Variants in ERAP1 observed in about 807,000 individuals in gnomAD.
The protein encoded by ERAP1 is adipocyte-derived leucine aminopeptidase.
ERAP1 carries 86 observed loss-of-function variants against 103.7 expected under a neutral mutation model. The observed-to-expected ratio is 0.83, with a 90% CI of 0.70 to 0.99. ERAP1 has a LOEUF of 0.99. Ranked by LOEUF, ERAP1 falls within the 50% of genes least tolerant of loss-of-function variation. The pLI is 0.00. For missense variants in ERAP1, 1,009 were observed against 1,128.4 expected (o/e 0.89, Z 1.52); for synonymous variants, 398 against 402.4 (o/e 0.99, Z 0.13).
At chr5:96,825,311 T>C in the ERAP1 span, among the ~76,000 whole-genome samples, 2 of 152,242 alleles carry the variant, frequency 1.3e-5, no homozygotes, top group Non-Finnish European at 2.9e-5. Context: ...CTTTCTGTTA[T>C]TGATTTCTAG....
At chr5:96,823,635 A>T in the ERAP1 span, among the ~76,000 whole-genome samples, 1 of 152,210 alleles carries the variant, frequency 6.6e-6, no homozygotes, top group African/African-American at 2.4e-5. Context: ...GCTGGTGAGA[A>T]ATTCCAAGAC....
chr5:96,925,672 A>G, the ERAP1 span, among the ~76,000 whole-genome samples: 2 of 152,350 alleles, frequency 1.3e-5, no homozygotes, highest in African/African-American at 4.8e-5. Context: ...CAGTCACCAC[A>G]GTTTGGACTT....
the ERAP1 span, chr5:96,903,609 C>G: frequency 6.7e-7 from 1 of 1,492,844 alleles, no homozygotes; most frequent in Non-Finnish European, 9.1e-7. Context: ...GATTCGTAAC[C>G]AGATATGCTA....
At chr5:96,845,472 T>C in the ERAP1 span, among the ~76,000 whole-genome samples, 2 of 152,188 alleles carry the variant, frequency 1.3e-5, no homozygotes, top group Non-Finnish European at 2.9e-5. Context: ...TGGCCTCAAG[T>C]GATCTGCCCA....
At chr5:96,893,555 A>G in the ERAP1 span, among the ~76,000 whole-genome samples, 4 of 152,232 alleles carry the variant, frequency 2.6e-5, no homozygotes, top group South Asian at 8.3e-4. Context: ...GGGGATTTCT[A>G]ATCTTTCTGC....
chr5:96,765,242 G>A (rs766938706), intron 19 of ERAP1: 1 of 1,600,752 alleles, frequency 6.2e-7, no homozygotes. Context: ...AGACCTCGAT[G>A]ATGCCTTGGA....
chr5:96,837,080 A>C, the ERAP1 span, among the ~76,000 whole-genome samples: 12 of 152,212 alleles, frequency 7.9e-5, no homozygotes, highest in African/African-American at 2.9e-4. Context: ...AGGAAGGAGG[A>C]ACTTCTAACT....
chr5:96,920,306 TAA>T, the ERAP1 span, among the ~76,000 whole-genome samples: 30 of 142,988 alleles, frequency 2.1e-4, no homozygotes, highest in Middle Eastern at 3.5e-3. Flanking sequence ...CCCTGTCATT[TAA>T]AAAAAAAAAA....
chr5:96,917,495 G>T, the ERAP1 span: 43 of 1,613,020 alleles, frequency 2.7e-5, no homozygotes, highest in Admixed American at 2.8e-4. Context: ...TGAGGCTCAA[G>T]GATCACATCT....
At chr5:96,814,378 T>C in the ERAP1 span, 2 of 455,636 alleles carry the variant, frequency 4.4e-6, no homozygotes, top group Admixed American at 2.4e-5. Context: ...CAACTTAGAT[T>C]ACGTCTGCCA....
At chr5:96,835,910 C>T in the ERAP1 span, among the ~76,000 whole-genome samples, 1 of 152,170 alleles carries the variant, frequency 6.6e-6, no homozygotes, top group Non-Finnish European at 1.5e-5. Flanking sequence ...ATTTCAACTG[C>T]AGGCATACTC....
chr5:96,824,839 T>C, the ERAP1 span, among the ~76,000 whole-genome samples: 3 of 152,302 alleles, frequency 2.0e-5, no homozygotes, highest in African/African-American at 4.8e-5. Context: ...ACTTCAGCCC[T>C]GGAGTTCGAG....
At chr5:96,889,348 A>G in the ERAP1 span, 1 of 1,610,716 alleles carries the variant, frequency 6.2e-7, no homozygotes, top group Non-Finnish European at 8.5e-7. Flanking sequence ...TTTGCTCATA[A>G]AACTTGCTTT....
the ERAP1 span, among the ~76,000 whole-genome samples, chr5:96,920,367 C>G: frequency 6.6e-6 from 1 of 151,592 alleles, no homozygotes; most frequent in African/African-American, 2.4e-5. Context: ...TATATCAGTA[C>G]ATGCTACTGC....
the ERAP1 span, among the ~76,000 whole-genome samples, chr5:96,931,052 T>C: frequency 2.0e-5 from 3 of 152,162 alleles, no homozygotes; most frequent in South Asian, 4.1e-4. Flanking sequence ...TCTTGAGTAA[T>C]GGGCAGCCAG....
chr5:96,809,347 C>G (rs777865105), upstream of ERAP1, among the ~76,000 whole-genome samples: 2 of 152,184 alleles, frequency 1.3e-5, no homozygotes, highest in Non-Finnish European at 2.9e-5. Context: ...TGGAGTTGCT[C>G]TGGTTCAAAC....
At chr5:96,880,777 G>A in the ERAP1 span, among the ~76,000 whole-genome samples, 1 of 152,238 alleles carries the variant, frequency 6.6e-6, no homozygotes, top group East Asian at 1.9e-4. Context: ...TATGTGCCAG[G>A]CACTGCACTA....
chr5:96,935,125 G>A, the ERAP1 span: 927 of 152,536 alleles, frequency 6.1e-3, 3 homozygotes, highest in Middle Eastern at 0.01. Flanking sequence ...CGGGCCTAGC[G>A]CCGCGGAGCC....
intron 4 of ERAP1, 72 bp from the exon 5 acceptor site, chr5:96,795,234 G>C: frequency 1.9e-6 from 3 of 1,573,866 alleles, no homozygotes; most frequent in Non-Finnish European, 2.6e-6. Context: ...GTAGAAGACT[G>C]ACATTAATGT....
Sources: allele counts gnomAD v4.1 joint callset (sites outside exome capture counted in the v4.1 genomes callset), GRCh38; gene constraint gnomAD v4.1.1; transcripts MANE v1.5; gene names NCBI Gene and HGNC (gene_info 2026-07-23, HGNC 2026-07-21).